Variants in RFWD3 observed in about 807,000 individuals in gnomAD.
RFWD3 encodes the protein ring finger and WD repeat domain 3.
In RFWD3, 65 loss-of-function variants were observed where a neutral mutation model predicts 87.7. The ratio of observed to expected loss-of-function variants is 0.74; its 90% confidence interval spans 0.61 to 0.91. RFWD3 has a LOEUF of 0.91. Ranked by LOEUF, RFWD3 falls within the 40% of genes least tolerant of loss-of-function variation. RFWD3 has a pLI of 0.00. For synonymous variants in RFWD3, 433 were observed against 352.8 expected (o/e 1.23, Z -2.55); for missense variants, 1,078 against 938.5 (o/e 1.15, Z -1.94).
chr16:74,623,601 G>C lies in RFWD3; in HGVS notation c.*327C>G. ...TGCCCACTCACATCCTAGATGATGAGAGGACACTCTCTAAGGTCCAGAAAG... is the reference window on the plus strand; with the variant it reads ...TGCCCACTCACATCCTAGATGATGACAGGACACTCTCTAAGGTCCAGAAAG... On this transcript the variant is annotated 3_prime_UTR_variant, in exon 13 of 13. Transcript: ENST00000361070. The C allele has an allele frequency of 4.7e-6, 1 of 211,408 alleles. No homozygotes were observed. 13.1% of individuals were successfully genotyped at this position (211,408 alleles called of 1,614,324 possible). A position where few individuals can be genotyped will look rare whatever the true frequency, so the allele number is the denominator to read the frequency against.
intron 7 of RFWD3, 70 bp from the exon 8 acceptor site, chr16:74,636,647 A>T (rs1959203401): frequency 3.5e-6 from 4 of 1,145,144 alleles, no homozygotes; most frequent in Non-Finnish European, 5.0e-6. Context: ...CAATTCCTTG[A>T]TCTTTTACAG....
intron 8 of RFWD3, among the ~76,000 whole-genome samples, chr16:74,635,711 T>C (rs1959190680): frequency 6.6e-6 from 1 of 152,240 alleles, no homozygotes. Flanking sequence ...GAACATTATA[T>C]AACCATGCTA....
intron 6 of RFWD3, among the ~76,000 whole-genome samples, chr16:74,642,414 G>A (rs554410756): frequency 6.6e-6 from 1 of 152,160 alleles, no homozygotes; most frequent in Admixed American, 6.5e-5. Flanking sequence ...GTGAGCCACT[G>A]TGCCTGGCCC....
chr16:74,638,794 T>C (rs1959373083), intron 6 of RFWD3, among the ~76,000 whole-genome samples: 1 of 152,234 alleles, frequency 6.6e-6, no homozygotes, highest in African/African-American at 2.4e-5. Flanking sequence ...TACAGTCATG[T>C]GCAGCTTAAT....
chr16:74,631,049 C>T, intron 9 of RFWD3, 92 bp from the exon 10 acceptor site: 1 of 1,196,062 alleles, frequency 8.4e-7, no homozygotes, highest in Non-Finnish European at 1.2e-6. Flanking sequence ...ATCATTAATC[C>T]TTACTGAGAA....
chr16:74,663,996 C>T (rs1350204916), intron 1 of RFWD3, among the ~76,000 whole-genome samples: 1 of 152,316 alleles, frequency 6.6e-6, no homozygotes, highest in African/African-American at 2.4e-5. Flanking sequence ...CCTTCTCCCC[C>T]TATGCACGAG....
intron 9 of RFWD3, 34 bp downstream of exon 9, chr16:74,632,488 AG>A: frequency 6.2e-7 from 1 of 1,609,764 alleles, no homozygotes; most frequent in South Asian, 1.1e-5. Context: ...AACACCAAAG[AG>A]CCCAGTCTCC....
chr16:74,652,198 T>TGATAGGATTTACTTC, intron 2 of RFWD3, 76 bp from the exon 3 acceptor site: 1 of 1,353,058 alleles, frequency 7.4e-7, no homozygotes, highest in Non-Finnish European at 1.0e-6. Flanking sequence ...TGATTTGAAG[T>TGATAGGATTTACTTC]AAATCCTATC....
chr16:74,644,228 G>T, intron 6 of RFWD3, 134 bp downstream of exon 6: 1 of 806,990 alleles, frequency 1.2e-6, no homozygotes, highest in Non-Finnish European at 2.2e-6. Flanking sequence ...AAGACAGACT[G>T]CCAATGATCC....
chr16:74,651,818 G>T, intron 3 of RFWD3, 102 bp downstream of exon 3: 2 of 1,017,512 alleles, frequency 2.0e-6, no homozygotes, highest in Non-Finnish European at 3.0e-6. Context: ...ATTTAGGGGA[G>T]AAAAGGGAAA....
rs141662063 is a variant in RFWD3 at position 74,625,632 on chromosome 16, C to T, written c.2181+711G>A. Among the ~76,000 whole-genome samples, 599 of 152,192 alleles carry T rather than the reference C, an allele frequency of 3.9e-3. 7 individuals carry two copies. The highest frequency in any genetic ancestry group is 0.014 in the African/African-American group (574 of 41,538). On this transcript the variant is annotated intron_variant, in intron 12 of 12. Coordinates refer to ENST00000361070, the MANE Select transcript of RFWD3 (RefSeq NM_018124.4). ...AGCTGTCTTATAGAACGCCCACAAC[C>T]CGGACTTGTGTATATGCTTTCTGTG...
In RFWD3 at chr16:74,626,482, A is replaced by T. The variant is rs993787960; in HGVS notation, c.2042T>A (p.Ile681Asn). Residue 681 changes from isoleucine (I) to asparagine (N), a missense_variant, in exon 12 of 13, where the codon ATC becomes AAC. Coordinates refer to ENST00000361070, the MANE Select transcript of RFWD3 (RefSeq NM_018124.4). ...SYRLDDTGNP[I>N]CSCQPVHTFF... ...TGTATGTACAGGCTGGCAGGAGCAGATTGGATTTCCAGTGTCATCCAGTCG... is the reference window on the plus strand; with the variant it reads ...TGTATGTACAGGCTGGCAGGAGCAGTTTGGATTTCCAGTGTCATCCAGTCG... 1.1e-5 allele frequency: 18 copies of T among 1,614,058 alleles called. No individual in the cohort carries two copies. The highest frequency in any genetic ancestry group is 1.4e-5 in the Non-Finnish European group (17 of 1,180,030).
Position 74,649,584 on chromosome 16 carries a change from A to G in RFWD3, c.722-382T>C, listed in dbSNP as rs1241189699. On this transcript the variant is annotated intron_variant, in intron 3 of 12. Coordinates refer to ENST00000361070, the MANE Select transcript of RFWD3 (RefSeq NM_018124.4). Reference sequence around the variant, plus strand: ...ACTTGCAAAAACTTCTGCAACACTGATAAGAATTCTTTTTTTATATAAACA... The same window carrying G: ...ACTTGCAAAAACTTCTGCAACACTGGTAAGAATTCTTTTTTTATATAAACA... 2.6e-5 allele frequency among the ~76,000 whole-genome samples: 4 copies of G among 152,270 alleles called. 1 individual carries two copies. The highest frequency in any genetic ancestry group is 4.4e-5 in the Non-Finnish European group (3 of 68,020).
chr16:74,651,510 T>TG (rs1960565632), intron 3 of RFWD3, among the ~76,000 whole-genome samples: 1 of 151,952 alleles, frequency 6.6e-6, no homozygotes, highest in African/African-American at 2.4e-5. Flanking sequence ...TCCCAGTTAG[T>TG]GGGGAGGCTG....
rs762199789 is a variant in RFWD3, at chr16:74,626,395, T to C, written c.2129A>G (p.Asn710Ser). The change falls in exon 12 of 13, where the codon AAT becomes AGT. Residue 710 changes from asparagine to serine, a missense_variant. Coordinates refer to ENST00000361070, the MANE Select transcript of RFWD3 (RefSeq NM_018124.4). ...AGTACACACCAGGATGTTGCCATCA[T>C]TCTCTGGGCTTTGGAAAATGGCATT... ...TKNAIFQSPE[N>S]DGNILVCTGD... 1.5e-5 allele frequency: 25 copies of C among 1,614,110 alleles called. No homozygotes were observed. In the South Asian group the frequency reaches 2.3e-4, roughly 15 times the overall value.
At chr16:74,645,711 T>TTATGCAGC (rs1960066580) in intron 4 of RFWD3, among the ~76,000 whole-genome samples, 1 of 151,856 alleles carries the variant, frequency 6.6e-6, no homozygotes, top group South Asian at 2.1e-4. Context: ...GACTGAACTA[T>TTATGCAGC]TATGCAGCCC....
At chr16:74,632,430 A>G (rs1959128395) in intron 9 of RFWD3, 93 bp downstream of exon 9, 1 of 1,403,804 alleles carries the variant, frequency 7.1e-7, no homozygotes, top group Non-Finnish European at 9.9e-7. Context: ...CAACAACAAA[A>G]AACAGAGCTA....
At chr16:74,646,055 A>G (rs1047264750) in intron 4 of RFWD3, among the ~76,000 whole-genome samples, 1 of 152,010 alleles carries the variant, frequency 6.6e-6, no homozygotes, top group Non-Finnish European at 1.5e-5. Flanking sequence ...GCCAGTCACA[A>G]ATATATTCTA....
intron 2 of RFWD3, among the ~76,000 whole-genome samples, chr16:74,659,277 A>G (rs891579996): frequency 6.6e-6 from 1 of 152,206 alleles, no homozygotes; most frequent in African/African-American, 2.4e-5. Flanking sequence ...CCTGACAGTC[A>G]GCCAGCTCCT....
Sources: allele counts gnomAD v4.1 joint callset (sites outside exome capture counted in the v4.1 genomes callset), GRCh38; gene constraint gnomAD v4.1.1; transcripts MANE v1.5; gene names NCBI Gene and HGNC (gene_info 2026-07-23, HGNC 2026-07-21).